USP25: variants seen among roughly 807,000 people sequenced by gnomAD.
The protein encoded by USP25 is ubiquitin specific peptidase 25.
Under a neutral mutation model 158.5 loss-of-function variants are expected in USP25, and 85 were observed. That is an observed-to-expected ratio of 0.54 (90% confidence interval 0.45 to 0.64). The LOEUF is 0.64. Ranked by LOEUF, USP25 falls within the 30% of genes least tolerant of loss-of-function variation. The pLI is 0.00. For missense variants in USP25, 1,242 were observed against 1,327.3 expected (o/e 0.94, Z 1.00); for synonymous variants, 464 against 460.4 (o/e 1.01, Z -0.10).
chr21:15,818,516 C>G (rs895502129), intron 9 of USP25, among the ~76,000 whole-genome samples, 182 bp from the exon 10 acceptor site: 3 of 152,072 alleles, frequency 2.0e-5, no homozygotes, highest in African/African-American at 4.8e-5. Context: ...ATATCTATGG[C>G]TGGGTATAAA....
intron 14 of USP25, among the ~76,000 whole-genome samples, chr21:15,829,081 G>A (rs1054545573): frequency 3.9e-5 from 6 of 152,088 alleles, no homozygotes; most frequent in African/African-American, 9.7e-5. Context: ...CGGGTATGAT[G>A]TAATTCATTT....
intron 3 of USP25, among the ~76,000 whole-genome samples, chr21:15,769,039 A>T (rs891878502): frequency 1.3e-4 from 20 of 149,538 alleles, no homozygotes; most frequent in East Asian, 3.9e-4. Flanking sequence ...GAAGGAATAA[A>T]TTTTTTTTTT....
chr21:15,860,155 TTTTG>T (rs774132353), intron 20 of USP25, among the ~76,000 whole-genome samples: 44 of 151,764 alleles, frequency 2.9e-4, no homozygotes, highest in Non-Finnish European at 4.3e-4. Flanking sequence ...ACCCAGCTAA[TTTTG>T]TTTGTTTGTT....
chr21:15,779,545 A>G (rs1304667634), intron 4 of USP25, among the ~76,000 whole-genome samples: 3 of 151,856 alleles, frequency 2.0e-5, no homozygotes, highest in Non-Finnish European at 2.9e-5. Flanking sequence ...CAGTCGTTCT[A>G]TTATGTGTTT....
intron 17 of USP25, among the ~76,000 whole-genome samples, chr21:15,834,334 A>G (rs2037955928): frequency 6.6e-6 from 1 of 152,200 alleles, no homozygotes; most frequent in Non-Finnish European, 1.5e-5. Flanking sequence ...GTTTTCTGGT[A>G]TAGAAAATGC....
At chr21:15,767,700 A>G (rs905897569) in intron 3 of USP25, among the ~76,000 whole-genome samples, 2 of 152,072 alleles carry the variant, frequency 1.3e-5, no homozygotes, top group Non-Finnish European at 2.9e-5. Context: ...GAAAAGGATA[A>G]TTTTGACTAA....
intron 17 of USP25, among the ~76,000 whole-genome samples, chr21:15,841,931 A>G (rs1184700184): frequency 6.6e-6 from 1 of 152,154 alleles, no homozygotes; most frequent in African/African-American, 2.4e-5. Context: ...ACACTCAGCT[A>G]CTGGGGCAAG....
chr21:15,780,306 C>T (rs1038699376), intron 4 of USP25, among the ~76,000 whole-genome samples: 8 of 152,150 alleles, frequency 5.3e-5, no homozygotes, highest in Non-Finnish European at 1.0e-4. Flanking sequence ...TTATACGTTT[C>T]ATGCTAAAAT....
chr21:15,753,457 A>G (rs2033169074), intron 1 of USP25, among the ~76,000 whole-genome samples: 2 of 152,160 alleles, frequency 1.3e-5, no homozygotes, highest in African/African-American at 2.4e-5. Flanking sequence ...TTACACATTC[A>G]TGGGACTGTC....
intron 14 of USP25, among the ~76,000 whole-genome samples, chr21:15,828,263 TAACA>T (rs1163432295): frequency 2.0e-5 from 3 of 152,198 alleles, no homozygotes; most frequent in African/African-American, 7.2e-5. Flanking sequence ...TTGAACTCAT[TAACA>T]AACATTAATC....
chr21:15,846,141 TATATATATATATATATA>T (rs1439203373), intron 18 of USP25, among the ~76,000 whole-genome samples: 39 of 59,330 alleles, frequency 6.6e-4, no homozygotes, highest in African/African-American at 2.5e-3. Context: ...TATATATATA[TATATATATATATATATA>T]TTTTTTTTTT....
At chr21:15,748,273 C>T (rs138019182) in intron 1 of USP25, among the ~76,000 whole-genome samples, 67 of 152,040 alleles carry the variant, frequency 4.4e-4, no homozygotes, top group African/African-American at 1.4e-3. Context: ...CAGGAACTTT[C>T]GCCCTTGAAT....
At chr21:15,771,289 T>A (rs1480219667) in intron 3 of USP25, among the ~76,000 whole-genome samples, 1 of 151,090 alleles carries the variant, frequency 6.6e-6, no homozygotes, top group African/African-American at 2.4e-5. Context: ...TAATATGTGA[T>A]TTTAGGTAGT....
At chr21:15,829,029 G>A (rs1466746607) in intron 14 of USP25, among the ~76,000 whole-genome samples, 1 of 152,140 alleles carries the variant, frequency 6.6e-6, no homozygotes, top group East Asian at 1.9e-4. Context: ...GATGTTAGCA[G>A]TTAGCATTAT....
At chr21:15,867,028 A>G (rs1275028654) in intron 22 of USP25, among the ~76,000 whole-genome samples, 1 of 152,132 alleles carries the variant, frequency 6.6e-6, no homozygotes, top group Non-Finnish European at 1.5e-5. Context: ...TATGCCATAT[A>G]TGTTTGTCAT....
intron 1 of USP25, among the ~76,000 whole-genome samples, chr21:15,736,717 T>TA (rs2031556177): frequency 6.6e-6 from 1 of 152,204 alleles, no homozygotes; most frequent in African/African-American, 2.4e-5. Context: ...CCAAATTAGG[T>TA]AAGACATTTT....
At chr21:15,864,094 T>C (rs1402779678) in intron 20 of USP25, among the ~76,000 whole-genome samples, 174 bp from the exon 21 acceptor site, 1 of 147,890 alleles carries the variant, frequency 6.8e-6, no homozygotes, top group Admixed American at 6.8e-5. Context: ...GAAAATTCCT[T>C]GAGTCTATGG....
chr21:15,752,274 G>A (rs2033075824), intron 1 of USP25, among the ~76,000 whole-genome samples: 1 of 150,622 alleles, frequency 6.6e-6, no homozygotes. Context: ...GGAGTGCAGT[G>A]GCGTGATCTC....
intron 3 of USP25, among the ~76,000 whole-genome samples, chr21:15,768,225 A>G (rs969207181): frequency 2.0e-5 from 3 of 152,098 alleles, no homozygotes; most frequent in Admixed American, 1.3e-4. Context: ...CGTAATATGT[A>G]TCAAGTGCTT....
Sources: gnomAD v4.1 joint callset for allele counts (sites outside exome capture counted in the v4.1 genomes callset) on GRCh38, gnomAD v4.1.1 for gene constraint, MANE v1.5 for transcripts, NCBI Gene and HGNC (gene_info 2026-07-23, HGNC 2026-07-21) for gene names.